The following FAM184A variants were observed in gnomAD, a reference collection of about 807,000 sequenced individuals.
The protein encoded by FAM184A is family with sequence similarity 184 member A.
A neutral mutation model predicts 143.8 loss-of-function variants in FAM184A; 99 were observed. The observed-to-expected ratio is 0.69, with a 90% CI of 0.58 to 0.81. FAM184A has a LOEUF of 0.81. FAM184A is among the 40% of genes least tolerant of loss of function. The probability of loss-of-function intolerance (pLI) is 0.00; values close to 1 mark genes in which losing one functional copy is unlikely to be tolerated. For missense variants in FAM184A, 1,217 were observed against 1,310.5 expected (o/e 0.93, Z 1.10); for synonymous variants, 427 against 446.4 (o/e 0.96, Z 0.55).
chr6:118,968,450 G>A lies in FAM184A; in HGVS notation c.2916-1498C>T, dbSNP rs368105006. Among the ~76,000 whole-genome samples the A allele has an allele frequency of 2.0e-5, 3 of 152,336 alleles. No individual in the cohort carries two copies. The East Asian group carries it at 5.8e-4, about 29-fold the overall frequency. The stretch of plus-strand genomic sequence containing the variant: ...GTTCTTTTGTGACAATAGAGACCAA[G>A]TGAAAAATAATGTGATTTGTTAACT... On this transcript the variant is annotated intron_variant, in intron 14 of 17. Transcript: ENST00000338891.
chr6:119,082,993 A>G (rs913513039), upstream of FAM184A, among the ~76,000 whole-genome samples: 1 of 152,218 alleles, frequency 6.6e-6, no homozygotes, highest in Non-Finnish European at 1.5e-5. Flanking sequence ...AGATGTTTCT[A>G]TACATCCTCT....
intron 1 of FAM184A, among the ~76,000 whole-genome samples, chr6:119,047,007 A>G (rs1388813972): frequency 6.6e-6 from 1 of 151,920 alleles, no homozygotes; most frequent in South Asian, 2.1e-4. Context: ...ACCAGAATAC[A>G]TAAAAGCTCA....
chr6:119,136,576 G>A (rs1218037653), intron 1 of FAM184A, among the ~76,000 whole-genome samples: 1 of 152,170 alleles, frequency 6.6e-6, no homozygotes, highest in Non-Finnish European at 1.5e-5. Flanking sequence ...GAAGTTTATG[G>A]ACTGTTTCAT....
chr6:119,016,888 G>A lies in FAM184A; in HGVS notation c.1389C>T (p.Asn463=), dbSNP rs1785274818. Residue 463 remains asparagine, a synonymous_variant, in exon 5 of 18, where the codon AAC becomes AAT. Transcript: ENST00000338891. ...CCTCCTCTTCCAATCTACTTTGCAGGTTTTTAAGTTCCCTTTCATAATATT... is the reference window on the plus strand; with the variant it reads ...CCTCCTCTTCCAATCTACTTTGCAGATTTTTAAGTTCCCTTTCATAATATT... ...QQEYYERELK[N]LQSRLEEEVT... 3 of 1,613,632 alleles carry A rather than the reference G, an allele frequency of 1.9e-6. No individual in the cohort carries two copies. The South Asian group carries it at 3.3e-5, about 18-fold the overall frequency.
Position 119,010,025 on chromosome 6 carries a change from A to G in FAM184A, c.1653+1284T>C, listed in dbSNP as rs142308847. Among the ~76,000 whole-genome samples the G allele has an allele frequency of 1.5e-4, 23 of 152,288 alleles. 1 individual carries two copies. Among genetic ancestry groups the G allele is most frequent in the African/African-American group, 5.5e-4 (23 of 41,562 alleles). On this transcript the variant is annotated intron_variant, in intron 6 of 17. Transcript: ENST00000338891. Reference sequence around the variant, plus strand: ...ATTGTACCAAGGCAGCTGCTAGGCCATGTGTGCCTCTAAGCAGGAAAAAGG... The same window carrying G: ...ATTGTACCAAGGCAGCTGCTAGGCCGTGTGTGCCTCTAAGCAGGAAAAAGG...
At chr6:118,968,352 G>A (rs1218829729) in intron 14 of FAM184A, among the ~76,000 whole-genome samples, 5 of 152,228 alleles carry the variant, frequency 3.3e-5, no homozygotes, top group African/African-American at 4.8e-5. Flanking sequence ...GTCCTGGGCT[G>A]CATATGGCCT....
intron 1 of FAM184A, among the ~76,000 whole-genome samples, chr6:119,084,207 T>A (rs1340732753): frequency 1.3e-5 from 2 of 152,066 alleles, no homozygotes; most frequent in Admixed American, 1.3e-4. Flanking sequence ...TTCAATCACC[T>A]CCCAGCAGGT....
At chr6:119,055,945 A>G (rs1786957048) in intron 1 of FAM184A, among the ~76,000 whole-genome samples, 1 of 152,182 alleles carries the variant, frequency 6.6e-6, no homozygotes, top group African/African-American at 2.4e-5. Context: ...CATCTTGATA[A>G]CAGATATGAT....
chr6:119,060,292 GC>G (rs1787179980), intron 1 of FAM184A, among the ~76,000 whole-genome samples: 1 of 152,110 alleles, frequency 6.6e-6, no homozygotes, highest in East Asian at 1.9e-4. Context: ...TTTCTTGCTG[GC>G]ATATATGAAA....
chr6:119,086,495 A>G (rs995663774), intron 1 of FAM184A, among the ~76,000 whole-genome samples: 10 of 152,150 alleles, frequency 6.6e-5, no homozygotes, highest in African/African-American at 1.9e-4. Flanking sequence ...TTCAGGTAAA[A>G]TGGGTAGGAA....
chr6:119,098,746 C>T (rs561758187), intron 1 of FAM184A, among the ~76,000 whole-genome samples: 6 of 152,264 alleles, frequency 3.9e-5, no homozygotes, highest in African/African-American at 1.4e-4. Flanking sequence ...AGAGTTCAGT[C>T]CTCAATTCTT....
chr6:118,974,978 T>C, intron 13 of FAM184A, 46 bp downstream of exon 13: 1 of 1,474,066 alleles, frequency 6.8e-7, no homozygotes. Flanking sequence ...CACAACAGTT[T>C]TTCAGATGAC....
rs1480492788 is a variant in FAM184A, at chr6:119,026,288, A to G, written c.160-1475T>C. 2.0e-5 allele frequency among the ~76,000 whole-genome samples: 3 copies of G among 152,298 alleles called. No individual in the cohort carries two copies. The East Asian group carries it at 5.8e-4, about 29-fold the overall frequency. On this transcript the variant is annotated intron_variant, in intron 1 of 17. Coordinates refer to ENST00000338891, the MANE Select transcript of FAM184A (RefSeq NM_024581.6). The stretch of plus-strand genomic sequence containing the variant: ...AAACCCTAATTTCAAATTCCAAATT[A>G]TGTTCCCAATAAGGTAACACAGATC...
intron 1 of FAM184A, among the ~76,000 whole-genome samples, chr6:119,052,892 A>G (rs896695643): frequency 6.6e-6 from 1 of 152,236 alleles, no homozygotes; most frequent in African/African-American, 2.4e-5. Flanking sequence ...AAGTTATAAC[A>G]TTGTGCCAAA....
Position 118,966,838 on chromosome 6 carries a change from T to TA in FAM184A, c.3029dup (p.Ile1011AsnfsTer2), listed in dbSNP as rs1562453837. 4 of 1,514,336 alleles carry TA rather than the reference T, an allele frequency of 2.6e-6. No individual in the cohort carries two copies. The Admixed American group carries it at 7.1e-5, about 27-fold the overall frequency. The allele number at this position is 1,514,336 out of a possible 1,614,324, so 93.8% of individuals were successfully genotyped here. ...GACTAAAACCAAAATATCTTACAAT[T>TA]AGTTTCTTTATGATCTGGTCTCTTT... On this transcript the variant is annotated frameshift_variant, in exon 15 of 18. Transcript: ENST00000338891. LOFTEE classifies it high-confidence loss of function.
At position 119,020,101 on chromosome 6, in the gene FAM184A, T is replaced by C. The variant is rs1785391748; in HGVS notation, c.1209A>G (p.Leu403=). Residue 403 remains leucine (L), a synonymous_variant, in exon 4 of 18, where the codon TTA becomes TTG. Transcript: ENST00000338891. ...CATTGACTCTCGATTTTTCTGATTC[T>C]AAATCTTTAATTGTAACTTCCTGGG... ...QMTQEVTIKD[L]ESEKSRVNER... 6.2e-7 allele frequency: 1 copy of C among 1,610,146 alleles called. No homozygotes were observed.
chr6:119,109,459 T>C (rs930073090), intron 1 of FAM184A, among the ~76,000 whole-genome samples: 13 of 152,194 alleles, frequency 8.5e-5, no homozygotes, highest in African/African-American at 3.1e-4. Flanking sequence ...ACTTTTTCTG[T>C]GAATCCTTCT....
intron 1 of FAM184A, among the ~76,000 whole-genome samples, chr6:119,146,440 GTT>G (rs1772436476): frequency 7.1e-6 from 1 of 140,252 alleles, no homozygotes; most frequent in Admixed American, 7.1e-5. Context: ...GTGTGTGTGT[GTT>G]TATTTGGAGA....
At chr6:119,003,741 C>T in intron 7 of FAM184A, 119 bp from the exon 8 acceptor site, 1 of 906,536 alleles carries the variant, frequency 1.1e-6, no homozygotes, top group Non-Finnish European at 1.5e-6. Flanking sequence ...CAGCCCAATA[C>T]TTGATAATGC....
Sources: gnomAD v4.1 joint callset for allele counts (sites outside exome capture counted in the v4.1 genomes callset) on GRCh38, gnomAD v4.1.1 for gene constraint, MANE v1.5 for transcripts, NCBI Gene and HGNC (gene_info 2026-07-23, HGNC 2026-07-21) for gene names.